MAF: variants seen among roughly 807,000 people sequenced by gnomAD.
MAF encodes the protein MAF bZIP transcription factor.
In MAF, 10 loss-of-function variants were observed where a neutral mutation model predicts 22.0. The ratio of observed to expected loss-of-function variants is 0.45; its 90% confidence interval spans 0.28 to 0.77. The LOEUF (loss-of-function observed/expected upper bound fraction) is 0.77. MAF is among the 30% of genes least tolerant of loss of function. The probability of loss-of-function intolerance (pLI) is 0.12; values close to 1 mark genes in which losing one functional copy is unlikely to be tolerated. For synonymous variants in MAF, 337 were observed against 255.8 expected (o/e 1.32, Z -3.03); for missense variants, 544 against 548.4 (o/e 0.99, Z 0.08).
At chr16:79,427,951 G>A in the MAF span, among the ~76,000 whole-genome samples, 1 of 151,988 alleles carries the variant, frequency 6.6e-6, no homozygotes, top group Non-Finnish European at 1.5e-5. Context: ...ATGAATAAGT[G>A]AAGGAGGGAC....
chr16:79,260,051 G>A, the MAF span, among the ~76,000 whole-genome samples: 1 of 152,186 alleles, frequency 6.6e-6, no homozygotes, highest in Non-Finnish European at 1.5e-5. Context: ...TGGAAAATAA[G>A]GCAGAAGCTG....
the MAF span, among the ~76,000 whole-genome samples, chr16:79,443,336 T>C: frequency 1.3e-5 from 2 of 152,146 alleles, no homozygotes; most frequent in African/African-American, 4.8e-5. Context: ...CTAATACAAG[T>C]ATTTCATGTT....
chr16:79,594,307 A>G lies in MAF; in HGVS notation c.*153T>C. 1 of 737,146 alleles carries G rather than the reference A, an allele frequency of 1.4e-6. No homozygotes were observed. The highest frequency in any genetic ancestry group is 2.3e-6 in the Non-Finnish European group (1 of 435,066). 45.7% of individuals were successfully genotyped at this position (737,146 alleles called of 1,614,324 possible). Reference sequence around the variant, plus strand: ...TATGAAACCCCCAGACAAGAGGCATAGTTAACTACTACATTTAATAGCCTT... The same window carrying G: ...TATGAAACCCCCAGACAAGAGGCATGGTTAACTACTACATTTAATAGCCTT... On this transcript the variant is annotated 3_prime_UTR_variant, in exon 2 of 2. Transcript: ENST00000326043.
At chr16:79,329,719 T>A in the MAF span, among the ~76,000 whole-genome samples, 1 of 152,178 alleles carries the variant, frequency 6.6e-6, no homozygotes, top group Non-Finnish European at 1.5e-5. Flanking sequence ...AAAGTGAAAA[T>A]AAAGCATCTT....
At chr16:79,355,713 C>T in the MAF span, among the ~76,000 whole-genome samples, 1 of 152,134 alleles carries the variant, frequency 6.6e-6, no homozygotes, top group African/African-American at 2.4e-5. Context: ...AAAAGAAATT[C>T]CCCTGTGGCA....
downstream of MAF, among the ~76,000 whole-genome samples, chr16:79,580,876 T>C (rs1336194992): frequency 6.6e-6 from 1 of 151,716 alleles, no homozygotes; most frequent in Non-Finnish European, 1.5e-5. Flanking sequence ...CAATACCAAA[T>C]AAACAAAATA....
At chr16:79,207,404 G>T in the MAF span, among the ~76,000 whole-genome samples, 1 of 152,214 alleles carries the variant, frequency 6.6e-6, no homozygotes, top group Non-Finnish European at 1.5e-5. Flanking sequence ...TGGGAACACT[G>T]CCGTCTTCAA....
At chr16:79,479,252 C>A in the MAF span, among the ~76,000 whole-genome samples, 3 of 152,228 alleles carry the variant, frequency 2.0e-5, no homozygotes, top group Admixed American at 6.5e-5. Context: ...TGTGTCATAC[C>A]TTTGTACCAT....
chr16:79,384,110 G>T, the MAF span, among the ~76,000 whole-genome samples: 1 of 152,112 alleles, frequency 6.6e-6, no homozygotes, highest in Admixed American at 6.5e-5. Flanking sequence ...CCTAGAACAG[G>T]AAGGGAGTCA....
chr16:79,355,196 T>A, the MAF span, among the ~76,000 whole-genome samples: 1 of 152,330 alleles, frequency 6.6e-6, no homozygotes, highest in Admixed American at 6.5e-5. Context: ...CTTGCACCTA[T>A]CTCCCCAGTG....
the MAF span, among the ~76,000 whole-genome samples, chr16:79,357,763 C>T: frequency 6.6e-6 from 1 of 151,980 alleles, no homozygotes; most frequent in African/African-American, 2.4e-5. Flanking sequence ...GAATGATGGG[C>T]CAGTCTCCCC....
At chr16:79,383,958 C>G in the MAF span, among the ~76,000 whole-genome samples, 1 of 152,172 alleles carries the variant, frequency 6.6e-6, no homozygotes, top group East Asian at 1.9e-4. Context: ...TGAAAAGCCA[C>G]TTGTGAAAAA....
At chr16:79,303,005 C>T in the MAF span, among the ~76,000 whole-genome samples, 5 of 152,184 alleles carry the variant, frequency 3.3e-5, no homozygotes, top group South Asian at 2.1e-4. Context: ...TTGCTTCTGA[C>T]GGTACCTTCC....
the MAF span, among the ~76,000 whole-genome samples, chr16:79,248,940 A>T: frequency 2.0e-5 from 3 of 152,212 alleles, no homozygotes; most frequent in Admixed American, 1.3e-4. Flanking sequence ...GGGTAAGAAC[A>T]TTTAAAAATA....
chr16:79,377,711 G>C, the MAF span, among the ~76,000 whole-genome samples: 1 of 152,182 alleles, frequency 6.6e-6, no homozygotes, highest in Admixed American at 6.5e-5. Context: ...TGTATAAGGT[G>C]TAAGGAAGAG....
the MAF span, among the ~76,000 whole-genome samples, chr16:79,520,849 G>A: frequency 6.6e-6 from 1 of 152,060 alleles, no homozygotes; most frequent in Non-Finnish European, 1.5e-5. Flanking sequence ...GCAAGGGAAG[G>A]GTATTCACCA....
At chr16:79,582,004 T>C (rs1173554686), downstream of MAF, among the ~76,000 whole-genome samples, 1 of 152,216 alleles carries the variant, frequency 6.6e-6, no homozygotes, top group East Asian at 1.9e-4. Flanking sequence ...CTGTATTTCC[T>C]ATAGATACAG....
the MAF span, among the ~76,000 whole-genome samples, chr16:79,451,950 C>T: frequency 3.9e-5 from 6 of 152,210 alleles, no homozygotes; most frequent in Admixed American, 2.6e-4. Flanking sequence ...TAGTGCTTTG[C>T]ATGCATTACT....
chr16:79,333,994 C>T, the MAF span, among the ~76,000 whole-genome samples: 1 of 152,234 alleles, frequency 6.6e-6, no homozygotes, highest in East Asian at 1.9e-4. Flanking sequence ...TAGGAGCATG[C>T]TTTCCCATGA....
Sources: allele counts gnomAD v4.1 joint callset (sites outside exome capture counted in the v4.1 genomes callset), GRCh38; gene constraint gnomAD v4.1.1; transcripts MANE v1.5; gene names NCBI Gene and HGNC (gene_info 2026-07-23, HGNC 2026-07-21).